The following HEMK2 variants were observed in gnomAD, a reference collection of about 807,000 sequenced individuals.
The protein encoded by HEMK2 is HemK methyltransferase 2, ETF1 glutamine and histone H4 lysine, also known as methyltransferase HEMK2.
the HEMK2 span, among the ~76,000 whole-genome samples, chr21:28,675,605 T>C: frequency 7.7e-4 from 117 of 152,336 alleles, 2 homozygotes; most frequent in East Asian, 0.02. Flanking sequence ...GGATTGATGA[T>C]GCATCAAGAT....
chr21:28,682,066 T>C, the HEMK2 span, among the ~76,000 whole-genome samples: 1 of 152,068 alleles, frequency 6.6e-6, no homozygotes, highest in Non-Finnish European at 1.5e-5. Context: ...CTAATTAAAC[T>C]AAAGAGCTTC....
At chr21:28,871,896 C>T in the HEMK2 span, among the ~76,000 whole-genome samples, 3 of 151,584 alleles carry the variant, frequency 2.0e-5, no homozygotes, top group African/African-American at 7.3e-5. Context: ...CCCTATGTCT[C>T]TGTTTCTGTG....
chr21:28,878,234 T>A, the HEMK2 span: 1 of 1,601,020 alleles, frequency 6.2e-7, no homozygotes, highest in Non-Finnish European at 8.5e-7. Context: ...AATAATCCTC[T>A]TGGTGAAAGG....
At chr21:28,856,626 T>C in the HEMK2 span, among the ~76,000 whole-genome samples, 17 of 152,202 alleles carry the variant, frequency 1.1e-4, no homozygotes, top group Middle Eastern at 3.4e-3. Context: ...GACTAGGCAA[T>C]TGGTGCAACC....
At chr21:28,849,977 T>C in the HEMK2 span, among the ~76,000 whole-genome samples, 2 of 152,110 alleles carry the variant, frequency 1.3e-5, no homozygotes, top group East Asian at 3.9e-4. Flanking sequence ...CTAACCTAAC[T>C]AGAGAGGAAA....
chr21:28,732,586 GA>G, the HEMK2 span, among the ~76,000 whole-genome samples: 2 of 152,106 alleles, frequency 1.3e-5, no homozygotes, highest in African/African-American at 4.8e-5. Flanking sequence ...CCCTCGCCCA[GA>G]AAAAAAGAAG....
chr21:28,759,521 T>C, the HEMK2 span, among the ~76,000 whole-genome samples: 1 of 152,158 alleles, frequency 6.6e-6, no homozygotes, highest in East Asian at 1.9e-4. Flanking sequence ...CTAAAATTAG[T>C]TAAGACTTGG....
chr21:28,790,534 A>G, the HEMK2 span, among the ~76,000 whole-genome samples: 11 of 152,218 alleles, frequency 7.2e-5, no homozygotes, highest in African/African-American at 2.2e-4. Context: ...TGAAAGACAC[A>G]GCACAAGAAT....
At chr21:28,701,557 CAT>C in the HEMK2 span, among the ~76,000 whole-genome samples, 1,040 of 37,780 alleles carry the variant, frequency 0.028, 17 homozygotes, top group East Asian at 0.3. Context: ...CACACACACA[CAT>C]ACACACACAC....
At chr21:28,708,218 T>C in the HEMK2 span, among the ~76,000 whole-genome samples, 4 of 101,514 alleles carry the variant, frequency 3.9e-5, no homozygotes, top group Non-Finnish European at 6.9e-5. Flanking sequence ...GGAACTTTAA[T>C]GTAGTCAAAA....
At chr21:28,853,084 G>C in the HEMK2 span, among the ~76,000 whole-genome samples, 1 of 152,164 alleles carries the variant, frequency 6.6e-6, no homozygotes, top group East Asian at 1.9e-4. Flanking sequence ...AAAGATGGCA[G>C]GTCCACCCTC....
chr21:28,712,168 G>C, the HEMK2 span, among the ~76,000 whole-genome samples: 4 of 152,282 alleles, frequency 2.6e-5, 1 homozygote, highest in African/African-American at 9.6e-5. Context: ...CAGCCTTTGA[G>C]AGGTCCCAGC....
At chr21:28,578,121 A>G in the HEMK2 span, among the ~76,000 whole-genome samples, 4 of 152,186 alleles carry the variant, frequency 2.6e-5, no homozygotes, top group African/African-American at 9.7e-5. Context: ...TGCACTCTGC[A>G]TACACTCCAG....
At chr21:28,804,314 C>T in the HEMK2 span, among the ~76,000 whole-genome samples, 1 of 152,132 alleles carries the variant, frequency 6.6e-6, no homozygotes, top group African/African-American at 2.4e-5. Flanking sequence ...ACCATTGCTC[C>T]ATTACTTCAA....
the HEMK2 span, among the ~76,000 whole-genome samples, chr21:28,773,069 AC>A: frequency 1.3e-5 from 2 of 152,264 alleles, no homozygotes; most frequent in South Asian, 4.2e-4. Flanking sequence ...ATTACATGAG[AC>A]CCAAGCCTCA....
At chr21:28,730,535 C>T in the HEMK2 span, among the ~76,000 whole-genome samples, 2 of 152,300 alleles carry the variant, frequency 1.3e-5, no homozygotes, top group Admixed American at 1.3e-4. Context: ...CAAGGCTCCA[C>T]TGGAAAAGGA....
chr21:28,837,305 G>A, the HEMK2 span, among the ~76,000 whole-genome samples: 4 of 152,078 alleles, frequency 2.6e-5, no homozygotes, highest in Admixed American at 2.0e-4. Context: ...CATAAAATGA[G>A]CCTTAATAAA....
chr21:28,832,117 C>G, the HEMK2 span, among the ~76,000 whole-genome samples: 1 of 152,198 alleles, frequency 6.6e-6, no homozygotes, highest in Non-Finnish European at 1.5e-5. Context: ...ATAAACCCAA[C>G]AGAGCAGAGC....
the HEMK2 span, among the ~76,000 whole-genome samples, chr21:28,638,256 TCAG>T: frequency 6.6e-6 from 1 of 152,142 alleles, no homozygotes; most frequent in African/African-American, 2.4e-5. Context: ...ATCTAACCCA[TCAG>T]GCTTTCTGGA....
Sources: gnomAD v4.1 joint callset for allele counts (sites outside exome capture counted in the v4.1 genomes callset) on GRCh38, gnomAD v4.1.1 for gene constraint, MANE v1.5 for transcripts, NCBI Gene and HGNC (gene_info 2026-07-23, HGNC 2026-07-21) for gene names.